Variants in CMIP observed in about 807,000 individuals in gnomAD.
The protein encoded by CMIP is c-Maf inducing protein, also known as C-Maf-inducing protein.
A neutral mutation model predicts 97.3 loss-of-function variants in CMIP; 13 were observed. The ratio of observed to expected loss-of-function variants is 0.13; its 90% CI spans 0.09 to 0.21. The LOEUF (loss-of-function observed/expected upper bound fraction) is 0.21, where lower values mean the gene tolerates loss of function less well. Among genes scored for constraint, CMIP ranks in the 10% least tolerant of loss-of-function variants. CMIP has a pLI of 1.00. For synonymous variants in CMIP, 538 were observed against 436.3 expected (o/e 1.23, Z -2.91); for missense variants, 847 against 1,024.9 (o/e 0.83, Z 2.37).
intron 1 of CMIP, among the ~76,000 whole-genome samples, chr16:81,456,266 C>G (rs1247696172): frequency 6.6e-6 from 1 of 152,296 alleles, no homozygotes; most frequent in African/African-American, 2.4e-5. Flanking sequence ...ACCATTTCCT[C>G]CAGTCATTCT....
chr16:81,448,547 C>T (rs1282593357), intron 1 of CMIP, among the ~76,000 whole-genome samples: 1 of 152,190 alleles, frequency 6.6e-6, no homozygotes, highest in Non-Finnish European at 1.5e-5. Flanking sequence ...AGCAGCCTCA[C>T]CCGCCTGGCC....
At chr16:81,706,425 G>T (rs1328351893) in intron 19 of CMIP, among the ~76,000 whole-genome samples, 1 of 152,228 alleles carries the variant, frequency 6.6e-6, no homozygotes, top group Non-Finnish European at 1.5e-5. Flanking sequence ...GGTCAGTGGA[G>T]GCAGAGCGGC....
At chr16:81,474,452 C>T (rs1342396061) in intron 1 of CMIP, among the ~76,000 whole-genome samples, 3 of 152,152 alleles carry the variant, frequency 2.0e-5, no homozygotes, top group Non-Finnish European at 4.4e-5. Flanking sequence ...ACCAGGTAGG[C>T]ACGTCGCACA....
intron 2 of CMIP, chr16:81,620,503 C>G (rs1040107871): frequency 5.7e-5 from 13 of 229,310 alleles, no homozygotes; most frequent in African/African-American, 2.7e-4. Context: ...TACACAGGCC[C>G]CCAGCCAGCC....
chr16:81,477,929 T>A (rs2927327), intron 1 of CMIP, among the ~76,000 whole-genome samples: 106,547 of 152,162 alleles, frequency 0.7, 38,080 homozygotes, highest in African/African-American at 0.85. Flanking sequence ...CCTGTTAAGG[T>A]GACTTCTGCT....
chr16:81,659,226 A>G (rs531638448), intron 5 of CMIP, among the ~76,000 whole-genome samples: 1 of 152,298 alleles, frequency 6.6e-6, no homozygotes, highest in Admixed American at 6.5e-5. Context: ...GAGTCTGACT[A>G]TGTGCCAGAC....
At chr16:81,670,097 C>G in intron 7 of CMIP, 45 bp from the exon 8 acceptor site, 1 of 1,562,260 alleles carries the variant, frequency 6.4e-7, no homozygotes. Flanking sequence ...GGGCTCCTGC[C>G]CTGCCTAGCA....
intron 1 of CMIP, among the ~76,000 whole-genome samples, chr16:81,501,311 ATTTT>A (rs2089606746): frequency 6.6e-6 from 1 of 152,208 alleles, no homozygotes; most frequent in Non-Finnish European, 1.5e-5. Flanking sequence ...TGCCCGTCCT[ATTTT>A]GGGACTGGTG....
intron 7 of CMIP, among the ~76,000 whole-genome samples, chr16:81,668,314 C>A (rs1440780414): frequency 1.3e-5 from 2 of 152,156 alleles, no homozygotes; most frequent in African/African-American, 4.8e-5. Context: ...GTCCCAGCAC[C>A]TCCGCAGCCC....
chr16:81,584,168 C>T (rs2091342834), intron 1 of CMIP, among the ~76,000 whole-genome samples: 1 of 152,018 alleles, frequency 6.6e-6, no homozygotes, highest in African/African-American at 2.4e-5. Context: ...GAAGACGGCC[C>T]CTAGCGCCCA....
chr16:81,567,731 A>C (rs9927570), intron 1 of CMIP, among the ~76,000 whole-genome samples: 3,312 of 152,282 alleles, frequency 0.022, 118 homozygotes, highest in African/African-American at 0.076. Context: ...TGTCGTCTGC[A>C]CAGAACTGAC....
At chr16:81,601,802 T>A (rs1234121532) in intron 1 of CMIP, among the ~76,000 whole-genome samples, 1 of 152,156 alleles carries the variant, frequency 6.6e-6, no homozygotes, top group Non-Finnish European at 1.5e-5. Flanking sequence ...CTGGGCACCG[T>A]CACCTTGCGG....
At chr16:81,472,876 A>G (rs550615453) in intron 1 of CMIP, among the ~76,000 whole-genome samples, 79 of 152,296 alleles carry the variant, frequency 5.2e-4, no homozygotes, top group African/African-American at 1.8e-3. Flanking sequence ...GCCTGCGCCC[A>G]GTACTTTGTC....
At chr16:81,568,039 GT>G (rs1555531346) in intron 1 of CMIP, among the ~76,000 whole-genome samples, 64 of 82,536 alleles carry the variant, frequency 7.8e-4, no homozygotes, top group African/African-American at 1.9e-3. Flanking sequence ...GTGTGTGTGT[GT>G]TTTTTTTTTT....
At chr16:81,678,233 C>T (rs377073746) in intron 9 of CMIP, 42 bp from the exon 10 acceptor site, 39 of 1,453,254 alleles carry the variant, frequency 2.7e-5, no homozygotes, top group Admixed American at 8.3e-5. Flanking sequence ...GCATCATGAA[C>T]GGTGCCTGTA....
intron 7 of CMIP, chr16:81,664,610 C>A: frequency 1.7e-6 from 1 of 584,218 alleles, no homozygotes; most frequent in Non-Finnish European, 3.0e-6. Flanking sequence ...GAAAGCCTCC[C>A]GGGAAGAATA....
Position 81,445,273 on chromosome 16 carries a change from G to A in CMIP, c.32G>A (p.Gly11Asp), listed in dbSNP as rs951764656. 1.3e-6 allele frequency: 2 copies of A among 1,542,134 alleles called. No homozygotes were observed. Among genetic ancestry groups the A allele is most frequent in the African/African-American group, 2.7e-5 (2 of 72,808 alleles). Residue 11 changes from glycine (G) to aspartate (D), a missense_variant, in exon 1 of 21, where the codon GGC becomes GAC. Physicochemically the swap from Gly to Asp is moderately conservative, Grantham distance 94. Transcript: ENST00000537098. MDVTSSSGGGGDPRQIEETKP... is the reference protein window; with the variant it reads MDVTSSSGGGDDPRQIEETKP... ...GTGACCAGCAGCTCGGGCGGCGGCG[G>A]CGACCCCCGGCAGATCGAGGAGACC... is the stretch of plus-strand genomic sequence containing the variant.
intron 1 of CMIP, among the ~76,000 whole-genome samples, chr16:81,502,465 G>T (rs1268961479): frequency 1.3e-5 from 2 of 152,166 alleles, no homozygotes; most frequent in Non-Finnish European, 2.9e-5. Context: ...AGCCTGGCTC[G>T]CCTGGGGGTG....
chr16:81,671,792 G>A (rs1465218366), intron 8 of CMIP, among the ~76,000 whole-genome samples, 174 bp from the exon 9 acceptor site: 6 of 152,216 alleles, frequency 3.9e-5, no homozygotes, highest in African/African-American at 4.8e-5. Context: ...TGGCACAGCC[G>A]GGGCCCAAAT....
Sources: gnomAD v4.1 joint callset for allele counts (sites outside exome capture counted in the v4.1 genomes callset) on GRCh38, gnomAD v4.1.1 for gene constraint, MANE v1.5 for transcripts, NCBI Gene and HGNC (gene_info 2026-07-23, HGNC 2026-07-21) for gene names.